The following RIIAD1 variants were observed in gnomAD, a reference collection of about 807,000 sequenced individuals.
The protein encoded by RIIAD1 is RIIa domain-containing protein 1.
A neutral mutation model predicts 13.3 loss-of-function variants in RIIAD1; 15 were observed. That is an observed-to-expected ratio of 1.13 (90% CI 0.76 to 1.74). The LOEUF (loss-of-function observed/expected upper bound fraction) is 1.74, where lower values mean the gene tolerates loss of function less well. Among genes scored for constraint, RIIAD1 ranks in the 40% most tolerant of loss-of-function variants. RIIAD1 has a pLI of 0.00. For missense variants in RIIAD1, 121 were observed against 112.2 expected, an observed-to-expected ratio of 1.08 and a Z score of -0.35; for synonymous variants, 50 against 43.3, an observed-to-expected ratio of 1.16 and a Z score of -0.61.
At chr1:151,726,937 G>A (rs949974982) in intron 2 of RIIAD1, among the ~76,000 whole-genome samples, 2 of 152,132 alleles carry the variant, frequency 1.3e-5, no homozygotes, top group African/African-American at 2.4e-5. Flanking sequence ...TTCGTGGGCC[G>A]GCCGGCATGT....
upstream of RIIAD1, among the ~76,000 whole-genome samples, chr1:151,717,919 C>T (rs1317774819): frequency 6.6e-6 from 1 of 152,174 alleles, no homozygotes; most frequent in Non-Finnish European, 1.5e-5. Context: ...AGCACGCCCT[C>T]AGTGCAGGGA....
At position 151,714,597 on chromosome 1, in the gene RIIAD1, T is replaced by C. The variant is rs758874644; in HGVS notation, c.21+68T>C. On this transcript the variant is annotated intron_variant, in intron 4 of 8. Coordinates refer to the RIIAD1 transcript ENST00000326413. ...CCCTGCAAAGGGCAGGACTCACCCCTGGAAGCGTCTTCTGTTCGTGCAGGG... is the reference window on the plus strand; with the variant it reads ...CCCTGCAAAGGGCAGGACTCACCCCCGGAAGCGTCTTCTGTTCGTGCAGGG... The C allele has an allele frequency of 3.9e-6, 6 of 1,554,556 alleles. No individual in the cohort carries two copies. In the South Asian group the frequency reaches 7.1e-5, roughly 18 times the overall value.
intron 4 of RIIAD1, chr1:151,715,531 C>A: frequency 9.6e-7 from 1 of 1,036,720 alleles, no homozygotes; most frequent in South Asian, 1.3e-5. Flanking sequence ...CGCACACACA[C>A]ACACACCCCT....
intron 4 of RIIAD1, among the ~76,000 whole-genome samples, chr1:151,715,027 T>G (rs1035906780): frequency 5.9e-5 from 9 of 151,856 alleles, no homozygotes; most frequent in African/African-American, 1.9e-4. Flanking sequence ...CACCTCCACC[T>G]CCCTCCATCT....
At chr1:151,721,726 T>A in intron 1 of RIIAD1, 106 bp downstream of exon 1, 1 of 623,850 alleles carries the variant, frequency 1.6e-6, no homozygotes, top group Non-Finnish European at 2.4e-6. Context: ...AGCGGGAGCC[T>A]GTTCCCTGAT....
chr1:151,722,190 T>C, intron 2 of RIIAD1, 28 bp downstream of exon 2: 1 of 1,423,014 alleles, frequency 7.0e-7, no homozygotes, highest in Non-Finnish European at 9.7e-7. Context: ...CTCTGGGATT[T>C]GTGGCACGCA....
chr1:151,724,151 G>A (rs1331042565), intron 2 of RIIAD1, among the ~76,000 whole-genome samples: 1 of 152,198 alleles, frequency 6.6e-6, no homozygotes. Flanking sequence ...ACAGTTTCCA[G>A]GAGCAGCCTG....
At chr1:151,712,712 C>T (rs770861579) in intron 2 of RIIAD1, among the ~76,000 whole-genome samples, 6 of 152,202 alleles carry the variant, frequency 3.9e-5, no homozygotes, top group South Asian at 2.1e-4. Flanking sequence ...CTTTCTCTTT[C>T]CCTCTGCAGC....
intron 4 of RIIAD1, chr1:151,715,559 C>T: frequency 1.5e-6 from 2 of 1,305,908 alleles, no homozygotes; most frequent in Non-Finnish European, 2.0e-6. Context: ...TGCTTATCTC[C>T]CAAACCAGCT....
At chr1:151,724,015 G>C (rs1026028423) in intron 2 of RIIAD1, among the ~76,000 whole-genome samples, 7 of 152,214 alleles carry the variant, frequency 4.6e-5, no homozygotes, top group Non-Finnish European at 7.3e-5. Flanking sequence ...GAAGTTAAAA[G>C]CTGAAACTAA....
chr1:151,728,129 A>G (rs1418422141), intron 3 of RIIAD1, among the ~76,000 whole-genome samples: 3 of 152,242 alleles, frequency 2.0e-5, no homozygotes, highest in African/African-American at 7.2e-5. Flanking sequence ...GGTTCCTGTT[A>G]GTCCTGAGAA....
chr1:151,715,444 TTGAACACCTGACCCTGTGTCC>T (rs1268700564), intron 4 of RIIAD1, among the ~76,000 whole-genome samples: 1 of 152,088 alleles, frequency 6.6e-6, no homozygotes, highest in African/African-American at 2.4e-5. Context: ...GCTTTCCACA[TTGAACACCTGACCCTGTGTCC>T]TGACCCCCAT....
rs1415743055 is a variant in RIIAD1 at position 151,728,848 on chromosome 1, A to G, written c.*12A>G. 23 of 1,477,892 alleles carry G rather than the reference A, an allele frequency of 1.6e-5. No individual in the cohort carries two copies. The highest frequency in any genetic ancestry group is 1.9e-5 in the Non-Finnish European group (21 of 1,080,072). The allele number at this position is 1,477,892 out of a possible 1,614,324, so 91.5% of individuals were successfully genotyped here. A position where few individuals can be genotyped will look rare whatever the true frequency, so the allele number is the denominator to read the frequency against. ...AGAAAGCGGCTTAATTAGCAAAATC[A>G]TGATGCTCAGCTGTTGGGAGAGACC... On this transcript the variant is annotated 3_prime_UTR_variant, in exon 4 of 5. Transcript: ENST00000479191.
At chr1:151,713,677 T>A (rs1180775362) in intron 3 of RIIAD1, 1 of 152,446 alleles carries the variant, frequency 6.6e-6, no homozygotes, top group African/African-American at 2.4e-5. Flanking sequence ...ACGCTCGCCT[T>A]GGGTCCTGCA....
intron 2 of RIIAD1, among the ~76,000 whole-genome samples, chr1:151,724,049 A>G (rs1673786076): frequency 6.6e-6 from 1 of 152,188 alleles, no homozygotes; most frequent in Non-Finnish European, 1.5e-5. Flanking sequence ...TTGCTCACAA[A>G]CAACAGGATT....
chr1:151,722,749 C>T (rs1257216021), intron 2 of RIIAD1, among the ~76,000 whole-genome samples: 1 of 152,130 alleles, frequency 6.6e-6, no homozygotes, highest in Non-Finnish European at 1.5e-5. Context: ...GTGCTGTTCC[C>T]CTACATTAGC....
At chr1:151,716,892 C>T, upstream of RIIAD1, 2 of 422,416 alleles carry the variant, frequency 4.7e-6, no homozygotes, top group Non-Finnish European at 1.0e-5. Flanking sequence ...AAATTCTCTA[C>T]CCTGGAGAGG....
intron 4 of RIIAD1, chr1:151,715,605 T>C: frequency 2.1e-6 from 3 of 1,439,492 alleles, no homozygotes; most frequent in Admixed American, 4.2e-5. Flanking sequence ...GTTCATCCCA[T>C]GACATCAACA....
intron 3 of RIIAD1, chr1:151,714,384 G>GT (rs1375910412): frequency 4.7e-6 from 3 of 634,514 alleles, no homozygotes; most frequent in African/African-American, 1.8e-5. Context: ...TAAAAGTCAT[G>GT]TTTACGCCAC....
Sources: gnomAD v4.1 joint callset for allele counts (sites outside exome capture counted in the v4.1 genomes callset) on GRCh38, gnomAD v4.1.1 for gene constraint, MANE v1.5 for transcripts, NCBI Gene and HGNC (gene_info 2026-07-23, HGNC 2026-07-21) for gene names.